The following ANKRD12 variants were observed in gnomAD, a reference collection of about 807,000 sequenced individuals.
ANKRD12 encodes ankyrin repeat domain 12.
Under a neutral mutation model 183.4 loss-of-function variants are expected in ANKRD12, and 85 were observed. The observed-to-expected ratio is 0.46, with a 90% CI of 0.39 to 0.56. The LOEUF (loss-of-function observed/expected upper bound fraction) is 0.56, where lower values mean the gene tolerates loss of function less well. Among genes scored for constraint, ANKRD12 ranks in the 20% least tolerant of loss-of-function variants. ANKRD12 has a pLI of 0.00. For missense variants in ANKRD12, 2,405 were observed against 2,357.1 expected, an observed-to-expected ratio of 1.02 and a Z score of -0.42; for synonymous variants, 914 against 800.2, an observed-to-expected ratio of 1.14 and a Z score of -2.40.
At chr18:9,239,656 G>T in intron 8 of ANKRD12, 1 of 413,264 alleles carries the variant, frequency 2.4e-6, no homozygotes, top group African/African-American at 2.1e-5. Flanking sequence ...AGATTTAACT[G>T]TACCAAACTT....
At chr18:9,164,777 G>A (rs2031854202) in intron 1 of ANKRD12, among the ~76,000 whole-genome samples, 2 of 152,048 alleles carry the variant, frequency 1.3e-5, no homozygotes, top group African/African-American at 4.8e-5. Context: ...AATTTCAGTC[G>A]TTTTGCATTT....
chr18:9,271,030 A>T (rs540523784), intron 10 of ANKRD12, among the ~76,000 whole-genome samples: 2 of 152,274 alleles, frequency 1.3e-5, no homozygotes, highest in South Asian at 4.1e-4. Flanking sequence ...TCTACGCAGA[A>T]CTGCAGTTAG....
chr18:9,204,434 C>T (rs745739761), intron 3 of ANKRD12, 42 bp from the exon 4 acceptor site: 54 of 1,394,402 alleles, frequency 3.9e-5, no homozygotes, highest in Non-Finnish European at 4.8e-5. Context: ...CATTTCCCTC[C>T]GTGTGCTTTT....
intron 2 of ANKRD12, 21 bp from the exon 3 acceptor site, chr18:9,195,530 C>G (rs1567902786): frequency 2.6e-6 from 4 of 1,556,926 alleles, no homozygotes; most frequent in Non-Finnish European, 3.5e-6. Context: ...TATAACTTTA[C>G]TCTATTTGAC....
At chr18:9,173,628 A>AGGGGGGGGGGGGGGGGGGGGGGGGGG (rs775694472) in intron 1 of ANKRD12, among the ~76,000 whole-genome samples, 1 of 51,252 alleles carries the variant, frequency 2.0e-5, no homozygotes, top group African/African-American at 7.3e-5. Context: ...GGGGGGGGGT[A>AGGGGGGGGGGGGGGGGGGGGGGGGGG]GGGGGGGCAG....
At chr18:9,218,822 C>T (rs1382704902) in intron 7 of ANKRD12, among the ~76,000 whole-genome samples, 1 of 151,916 alleles carries the variant, frequency 6.6e-6, no homozygotes, top group Non-Finnish European at 1.5e-5. Context: ...GCACGCACAC[C>T]ATGCTAGGCT....
intron 3 of ANKRD12, among the ~76,000 whole-genome samples, chr18:9,198,012 G>A (rs797014271): frequency 3.0e-4 from 46 of 152,252 alleles, no homozygotes; most frequent in African/African-American, 1.0e-3. Flanking sequence ...TGTTATTTAC[G>A]ATTCAAGTGT....
chr18:9,247,551 G>T (rs1421182818), intron 8 of ANKRD12, among the ~76,000 whole-genome samples: 1 of 152,026 alleles, frequency 6.6e-6, no homozygotes, highest in Admixed American at 6.6e-5. Context: ...TCATATTTAG[G>T]CTAATTAATT....
rs777341208 is a variant in ANKRD12 at position 9,208,823 on chromosome 18, A to C, written c.451+20A>C. Reference sequence around the variant, plus strand: ...GTCCAGGTGATACCTACCATCATTGAGTTAATGTGTATCCCTAGTTTTCCT... The same window carrying C: ...GTCCAGGTGATACCTACCATCATTGCGTTAATGTGTATCCCTAGTTTTCCT... On this transcript the variant is annotated intron_variant, in intron 5 of 12. Transcript: ENST00000262126. 1 of 1,496,114 alleles carries C rather than the reference A, an allele frequency of 6.7e-7. No homozygotes were observed. The highest frequency in any genetic ancestry group is 1.5e-5 in the South Asian group (1 of 68,506). 92.7% of individuals were successfully genotyped at this position (1,496,114 alleles called of 1,614,324 possible).
Position 9,256,866 on chromosome 18 carries a change from G to C in ANKRD12, c.3599G>C (p.Ser1200Thr). 1 of 1,613,946 alleles carries C rather than the reference G, an allele frequency of 6.2e-7. No individual in the cohort carries two copies. The highest frequency in any genetic ancestry group is 2.2e-5 in the East Asian group (1 of 44,888). Residue 1200 changes from serine (S) to threonine (T), a missense_variant, in exon 9 of 13, where the codon AGC (serine) becomes ACC (threonine). Ser to Thr is a moderately conservative substitution (Grantham distance 58). This residue lies in a region of ANKRD12 where 1,983 missense variants were observed against 1,725.9 expected (regional missense o/e 1.15). Coordinates refer to ENST00000262126, the MANE Select transcript of ANKRD12 (RefSeq NM_015208.5). ...PRSENEKPGL[S>T]SRSVSMISVA... ...TCAGAAAATGAAAAGCCGGGTCTCA[G>C]CTCCAGATCTGTATCCATGATTTCT...
intron 8 of ANKRD12, among the ~76,000 whole-genome samples, chr18:9,246,047 A>C (rs1319566630): frequency 3.3e-5 from 5 of 152,244 alleles, no homozygotes; most frequent in African/African-American, 9.6e-5. Context: ...TATTCTAGAC[A>C]TGTAAGATGG....
intron 8 of ANKRD12, among the ~76,000 whole-genome samples, chr18:9,236,900 G>C (rs1485136786): frequency 6.6e-6 from 1 of 152,122 alleles, no homozygotes; most frequent in Non-Finnish European, 1.5e-5. Context: ...GTTGGCACTG[G>C]ACTTCAGATT....
chr18:9,168,053 T>C (rs566152229), intron 1 of ANKRD12, among the ~76,000 whole-genome samples: 8 of 152,346 alleles, frequency 5.3e-5, no homozygotes, highest in African/African-American at 1.9e-4. Flanking sequence ...CAGCCTTGCA[T>C]CCCAGGGATG....
At chr18:9,169,007 AG>A (rs958953452) in intron 1 of ANKRD12, among the ~76,000 whole-genome samples, 85 of 152,174 alleles carry the variant, frequency 5.6e-4, no homozygotes, top group African/African-American at 2.0e-3. Context: ...CAGGTTGTTC[AG>A]TTTCCATGTA....
At chr18:9,154,078 GA>G (rs1370191363) in intron 1 of ANKRD12, among the ~76,000 whole-genome samples, 1 of 152,044 alleles carries the variant, frequency 6.6e-6, no homozygotes, top group Non-Finnish European at 1.5e-5. Flanking sequence ...GGAAACCAAT[GA>G]AAAAGTTCAA....
chr18:9,223,604 A>C (rs2036545297), intron 8 of ANKRD12, among the ~76,000 whole-genome samples: 1 of 152,238 alleles, frequency 6.6e-6, no homozygotes, highest in Non-Finnish European at 1.5e-5. Flanking sequence ...CAAAGATAAA[A>C]GTGTATTGCC....
intron 1 of ANKRD12, among the ~76,000 whole-genome samples, chr18:9,157,550 G>GGTGTGTATGTGTGTGTGTGTATGTGTGT (rs1555707774): frequency 8.7e-6 from 1 of 114,598 alleles, no homozygotes; most frequent in African/African-American, 4.0e-5. Flanking sequence ...GGTGTGTGTG[G>GGTGTGTATGTGTGTGTGTGTATGTGTGT]GTGTGTGTGT....
At chr18:9,188,060 T>C (rs1359872271) in intron 2 of ANKRD12, among the ~76,000 whole-genome samples, 2 of 152,256 alleles carry the variant, frequency 1.3e-5, no homozygotes, top group Non-Finnish European at 2.9e-5. Flanking sequence ...GATTTTACCC[T>C]ACTTGTAAGC....
At chr18:9,201,688 A>G (rs1397686369) in intron 3 of ANKRD12, among the ~76,000 whole-genome samples, 6 of 152,210 alleles carry the variant, frequency 3.9e-5, no homozygotes, top group Non-Finnish European at 8.8e-5. Flanking sequence ...TGTTCTGTAG[A>G]GATAAACCAG....
Sources: gnomAD v4.1 joint callset for allele counts (sites outside exome capture counted in the v4.1 genomes callset) on GRCh38, gnomAD v4.1.1 for gene constraint, gnomAD v4.1.1 regional missense constraint, MANE v1.5 for transcripts, NCBI Gene and HGNC (gene_info 2026-07-23, HGNC 2026-07-21) for gene names.